The following NEDD4 variants were observed in gnomAD, a reference collection of about 807,000 sequenced individuals.
The protein encoded by NEDD4 is NEDD4 E3 ubiquitin protein ligase.
In NEDD4, 99 loss-of-function variants were observed where a neutral mutation model predicts 144.9. The observed-to-expected ratio is 0.68, with a 90% CI of 0.58 to 0.81. The LOEUF is 0.81. NEDD4 is among the 30% of genes least tolerant of loss of function. The pLI is 0.00. For missense variants in NEDD4, 985 were observed against 1,065.9 expected, an observed-to-expected ratio of 0.92 and a Z score of 1.06; for synonymous variants, 318 against 350.6, an observed-to-expected ratio of 0.91 and a Z score of 1.04.
intron 18 of NEDD4, among the ~76,000 whole-genome samples, chr15:55,845,049 G>A (rs1443998067): frequency 6.6e-6 from 1 of 152,128 alleles, no homozygotes; most frequent in Non-Finnish European, 1.5e-5. Flanking sequence ...GCTATGATGT[G>A]TCTAGATACA....
intron 2 of NEDD4, among the ~76,000 whole-genome samples, chr15:55,960,365 G>A (rs772870156): frequency 6.6e-6 from 1 of 152,172 alleles, no homozygotes; most frequent in Admixed American, 6.5e-5. Context: ...CAGGCAGAAC[G>A]TGGAAGGACT....
rs753984411 is a variant in NEDD4 at position 55,856,204 on chromosome 15, A to G, written c.961-8T>C. On this transcript the variant is annotated splice_polypyrimidine_tract_variant and splice_region_variant and intron_variant, in intron 11 of 28. Coordinates refer to ENST00000435532, the MANE Select transcript of NEDD4 (RefSeq NM_006154.4). ...TCTTCTGCTGGAATGATTCTTGTGA[A>G]AAAACAAGACAACAGAAGAATACCT... 8 of 1,610,090 alleles carry G rather than the reference A, an allele frequency of 5.0e-6. No individual in the cohort carries two copies. The East Asian group carries it at 1.6e-4, about 31-fold the overall frequency.
intron 8 of NEDD4, among the ~76,000 whole-genome samples, chr15:55,869,110 C>A (rs2034685130): frequency 3.3e-5 from 5 of 152,134 alleles, no homozygotes; most frequent in Admixed American, 3.3e-4. Context: ...ATTCTACTTG[C>A]CCCACATACA....
chr15:55,882,853 G>A (rs879938298), intron 5 of NEDD4, among the ~76,000 whole-genome samples: 2 of 152,196 alleles, frequency 1.3e-5, no homozygotes, highest in Admixed American at 1.3e-4. Context: ...GACACTTGCT[G>A]ACTGAAGAGC....
chr15:55,840,224 A>C lies in NEDD4; in HGVS notation c.2031+223T>G, dbSNP rs113467649. Among the ~76,000 whole-genome samples the C allele has an allele frequency of 1.2e-4, 18 of 151,616 alleles. 3 individuals carry two copies. The highest frequency in any genetic ancestry group is 4.1e-4 in the African/African-American group (17 of 41,362). On this transcript the variant is annotated intron_variant, in intron 21 of 28. Transcript: ENST00000435532. Reference sequence around the variant, plus strand: ...TATGTGATAAAGTAAATCTAGAAAAAAAGCAATTGTGAGTAGTTGATATAC... The same window carrying C: ...TATGTGATAAAGTAAATCTAGAAAACAAGCAATTGTGAGTAGTTGATATAC...
intron 4 of NEDD4, among the ~76,000 whole-genome samples, chr15:55,941,154 C>A (rs1222312736): frequency 2.0e-5 from 3 of 152,078 alleles, no homozygotes; most frequent in Non-Finnish European, 4.4e-5. Flanking sequence ...TGTTGTATAT[C>A]AATTTCATTA....
chr15:55,830,198 C>T (rs2032881691), intron 28 of NEDD4, among the ~76,000 whole-genome samples, 199 bp from the exon 29 acceptor site: 1 of 152,176 alleles, frequency 6.6e-6, no homozygotes, highest in African/African-American at 2.4e-5. Context: ...AGTGCTGCCC[C>T]CACCACATCT....
intron 4 of NEDD4, among the ~76,000 whole-genome samples, chr15:55,945,209 C>T (rs1489892284): frequency 6.6e-6 from 1 of 152,134 alleles, no homozygotes; most frequent in African/African-American, 2.4e-5. Context: ...TAAAAACAAA[C>T]TTCTCCAAGC....
At chr15:55,920,074 A>C (rs1464064762) in intron 5 of NEDD4, among the ~76,000 whole-genome samples, 1 of 152,148 alleles carries the variant, frequency 6.6e-6, no homozygotes, top group East Asian at 1.9e-4. Context: ...GTTGTGTAAG[A>C]AGCAGCAATT....
chr15:55,850,737 T>G lies in NEDD4; in HGVS notation c.1152A>C (p.Thr384=). The change falls in exon 14 of 29, where the codon ACA becomes ACC. Residue 384 remains threonine (T), a synonymous_variant. Coordinates refer to ENST00000435532, the MANE Select transcript of NEDD4 (RefSeq NM_006154.4). ...TTGAGGTCAGCTGACTGGTCTCCAC[T>G]GTGGCCTAGCACATTAATGAAATCA... is the stretch of plus-strand genomic sequence containing the variant. The part of the protein sequence containing the change: ...TTWTKPTVQA[T]VETSQLTSSQ... 1 of 1,613,082 alleles carries G rather than the reference T, an allele frequency of 6.2e-7. No individual in the cohort carries two copies. The highest frequency in any genetic ancestry group is 2.2e-5 in the East Asian group (1 of 44,872).
chr15:55,936,608 GTA>G (rs1293381513), intron 4 of NEDD4, among the ~76,000 whole-genome samples: 1 of 152,030 alleles, frequency 6.6e-6, no homozygotes, highest in Non-Finnish European at 1.5e-5. Context: ...AATATATTGA[GTA>G]TGAATGCTAA....
At chr15:55,873,203 C>G (rs1013358968) in intron 6 of NEDD4, among the ~76,000 whole-genome samples, 14 of 152,004 alleles carry the variant, frequency 9.2e-5, no homozygotes, top group Admixed American at 6.6e-5. Context: ...AATGGCTGGC[C>G]CTCCGTTCTT....
At chr15:55,948,712 C>T (rs1205687606) in intron 4 of NEDD4, among the ~76,000 whole-genome samples, 1 of 152,104 alleles carries the variant, frequency 6.6e-6, no homozygotes, top group African/African-American at 2.4e-5. Flanking sequence ...GAAAGGATTC[C>T]CTATTTAATA....
chr15:55,983,511 C>T (rs1193321312), intron 1 of NEDD4, among the ~76,000 whole-genome samples: 5 of 152,054 alleles, frequency 3.3e-5, no homozygotes, highest in Non-Finnish European at 7.4e-5. Context: ...GGTTCTATTG[C>T]CCCACTCTTC....
chr15:55,850,761 C>T lies in NEDD4; in HGVS notation c.1147-19G>A, dbSNP rs1171003038. 3 of 1,600,382 alleles carry T rather than the reference C, an allele frequency of 1.9e-6. No homozygotes were observed. The highest frequency in any genetic ancestry group is 1.7e-5 in the Admixed American group (1 of 58,304). The stretch of plus-strand genomic sequence containing the variant: ...CTGTGGCCTAGCACATTAATGAAAT[C>T]ATATTGTAATATTTTATAGAGAGAA... On this transcript the variant is annotated intron_variant, in intron 13 of 28. Coordinates refer to ENST00000435532, the MANE Select transcript of NEDD4 (RefSeq NM_006154.4).
intron 2 of NEDD4, among the ~76,000 whole-genome samples, chr15:55,958,569 C>T (rs1010192621): frequency 6.6e-6 from 1 of 151,524 alleles, no homozygotes; most frequent in Non-Finnish European, 1.5e-5. Context: ...TTTTTTTTTC[C>T]CTAAATGTCT....
intron 11 of NEDD4, among the ~76,000 whole-genome samples, chr15:55,858,906 A>C (rs1330809352): frequency 1.3e-5 from 2 of 152,198 alleles, no homozygotes; most frequent in Non-Finnish European, 2.9e-5. Flanking sequence ...GAGATGGGCA[A>C]TACCAAAACA....
chr15:55,870,341 C>T (rs2034739175), intron 7 of NEDD4, among the ~76,000 whole-genome samples: 1 of 152,124 alleles, frequency 6.6e-6, no homozygotes, highest in African/African-American at 2.4e-5. Context: ...AAACCTGCTA[C>T]ATCTCTTTGG....
intron 1 of NEDD4, among the ~76,000 whole-genome samples, chr15:55,971,608 C>A (rs1260658836): frequency 7.2e-6 from 1 of 138,992 alleles, no homozygotes; most frequent in Admixed American, 7.7e-5. Context: ...CTGGGCAACA[C>A]GGTGAGACTC....
Sources: gnomAD v4.1 joint callset for allele counts (sites outside exome capture counted in the v4.1 genomes callset) on GRCh38, gnomAD v4.1.1 for gene constraint, MANE v1.5 for transcripts, NCBI Gene and HGNC (gene_info 2026-07-23, HGNC 2026-07-21) for gene names.